The following DSCAML1 variants were observed in gnomAD, a reference collection of about 807,000 sequenced individuals.
DSCAML1 encodes the protein cell adhesion molecule DSCAML1.
A neutral mutation model predicts 200.5 loss-of-function variants in DSCAML1; 38 were observed. The ratio of observed to expected loss-of-function variants is 0.19; its 90% CI spans 0.15 to 0.25. The LOEUF (loss-of-function observed/expected upper bound fraction) is 0.25, where lower values mean the gene tolerates loss of function less well. Ranked by LOEUF, DSCAML1 falls within the 10% of genes least tolerant of loss-of-function variation. DSCAML1 has a pLI of 1.00. For missense variants in DSCAML1, 2,223 were observed against 2,858.8 expected (o/e 0.78, Z 5.07); for synonymous variants, 1,215 against 1,165.0 (o/e 1.04, Z -0.87).
chr11:117,693,624 T>A (rs1261832294), intron 3 of DSCAML1, among the ~76,000 whole-genome samples: 1 of 152,194 alleles, frequency 6.6e-6, no homozygotes, highest in Admixed American at 6.5e-5. Context: ...GCTCCAGAGC[T>A]GGGAGAAATA....
intron 3 of DSCAML1, among the ~76,000 whole-genome samples, chr11:117,545,604 A>C (rs548158276): frequency 3.0e-4 from 46 of 152,278 alleles, no homozygotes; most frequent in African/African-American, 1.1e-3. Context: ...TCTGAAGGTC[A>C]CCAGGCTTCA....
intron 27 of DSCAML1, among the ~76,000 whole-genome samples, chr11:117,434,150 A>T (rs1322255231): frequency 6.6e-6 from 1 of 152,126 alleles, no homozygotes; most frequent in African/African-American, 2.4e-5. Flanking sequence ...CTAACCATCC[A>T]ATTGTCTGGC....
chr11:117,610,483 G>T (rs760093229), intron 3 of DSCAML1, among the ~76,000 whole-genome samples: 9 of 152,034 alleles, frequency 5.9e-5, no homozygotes, highest in Non-Finnish European at 1.0e-4. Flanking sequence ...AATCTAGTTA[G>T]TCTCCAGGAG....
At chr11:117,806,064 G>A (rs1353086425) in intron 1 of DSCAML1, among the ~76,000 whole-genome samples, 1 of 152,196 alleles carries the variant, frequency 6.6e-6, no homozygotes, top group Non-Finnish European at 1.5e-5. Flanking sequence ...TCAGACTCTT[G>A]CCCACCTTGT....
intron 3 of DSCAML1, among the ~76,000 whole-genome samples, chr11:117,716,277 T>A (rs2053951337): frequency 6.6e-6 from 1 of 152,248 alleles, no homozygotes; most frequent in Non-Finnish European, 1.5e-5. Context: ...CCAGCCGTGT[T>A]GTTAACCAGC....
intron 1 of DSCAML1, among the ~76,000 whole-genome samples, chr11:117,808,737 AC>A (rs2055730220): frequency 6.6e-6 from 1 of 151,830 alleles, no homozygotes; most frequent in African/African-American, 2.4e-5. Context: ...TTGATAGTCA[AC>A]AAAAATTTGC....
Position 117,516,891 on chromosome 11 carries a change from T to A in DSCAML1, c.1511-152A>T. The stretch of plus-strand genomic sequence containing the variant: ...CATTTGGTGGGGGCACAGGGATGCC[T>A]TTTTACAAAGCTACAGACAGGGGCT... On this transcript the variant is annotated intron_variant, in intron 7 of 32. Transcript: ENST00000651296. The surrounding 1 kb of genome is among the most constrained non-coding windows in gnomAD (Gnocchi z 5.7). The A allele has an allele frequency of 1.1e-6, 1 of 949,472 alleles. No homozygotes were observed. The allele number at this position is 949,472 out of a possible 1,614,324, so 58.8% of individuals were successfully genotyped here.
At chr11:117,677,250 G>A (rs1253721225) in intron 3 of DSCAML1, among the ~76,000 whole-genome samples, 1 of 152,218 alleles carries the variant, frequency 6.6e-6, no homozygotes, top group Non-Finnish European at 1.5e-5. Context: ...AGAGGTGCTA[G>A]ACTTCTAAGA....
At chr11:117,644,423 A>G (rs1460890063) in intron 3 of DSCAML1, among the ~76,000 whole-genome samples, 8 of 152,212 alleles carry the variant, frequency 5.3e-5, no homozygotes, top group African/African-American at 1.9e-4. Flanking sequence ...CCAGGCCCCA[A>G]AAGATGCTAG....
intron 5 of DSCAML1, among the ~76,000 whole-genome samples, chr11:117,522,026 G>A (rs537681887): frequency 5.3e-5 from 8 of 152,214 alleles, no homozygotes; most frequent in African/African-American, 1.9e-4. Context: ...GGCCCTCAAG[G>A]CCCTAAGGGC....
At position 117,785,094 on chromosome 11, in the gene DSCAML1, C is replaced by A. The variant is rs1395310404; in HGVS notation, c.47-4284G>T. Among the ~76,000 whole-genome samples the A allele has an allele frequency of 3.9e-5, 6 of 152,284 alleles. No individual in the cohort carries two copies. The East Asian group carries it at 9.7e-4, about 25-fold the overall frequency. On this transcript the variant is annotated intron_variant, in intron 1 of 32. Transcript: ENST00000651296. ...GGACCAGAGAAGACATTCATTGCCT[C>A]AGGAGATATTTACCAAGCACCAGCC...
Position 117,443,978 on chromosome 11 carries a change from C to A in DSCAML1, c.3770G>T (p.Arg1257Leu). 2 of 1,613,904 alleles carry A rather than the reference C, an allele frequency of 1.2e-6. No individual in the cohort carries two copies. Among genetic ancestry groups the A allele is most frequent in the Non-Finnish European group, 1.7e-6 (2 of 1,179,970 alleles). Reference protein sequence around the residue: ...QLFYRIAHLNRGQQYLLWVAA... With the variant: ...QLFYRIAHLNLGQQYLLWVAA... ...CACCCACAGCAGATACTGCTGACCG[C>A]GGTTTAGGTGGGCGATCCGGTAGAA... Residue 1257 changes from arginine (R) to leucine (L), a missense_variant, in exon 21 of 33, where the codon CGC (arginine) becomes CTC (leucine). Physicochemically the swap from Arg to Leu is moderately radical, Grantham distance 102. This residue lies in a region of DSCAML1 where 614 missense variants were observed against 739.1 expected (regional missense o/e 0.83). Transcript: ENST00000651296.
chr11:117,486,911 CTTTTTTTTTTTTT>C lies in DSCAML1; in HGVS notation c.2360-4762_2360-4750del, dbSNP rs56805170. Reference sequence around the variant, plus strand: ...GAAAAAAAAAAAGAATGTAAAATACCTTTTTTTTTTTTTTTTTTTTTTTTTTTTTTGAGACAGA... The same window carrying C: ...GAAAAAAAAAAAGAATGTAAAATACCTTTTTTTTTTTTTTTTTGAGACAGA... On this transcript the variant is annotated intron_variant, in intron 11 of 32. Coordinates refer to ENST00000651296, the MANE Select transcript of DSCAML1 (RefSeq NM_020693.4). Among the ~76,000 whole-genome samples the C allele has an allele frequency of 1.4e-4, 11 of 79,668 alleles. No homozygotes were observed. In the East Asian group the frequency reaches 2.5e-3, roughly 18 times the overall value. 52.3% of individuals were successfully genotyped at this position (79,668 alleles called of 152,430 possible). A position where few individuals can be genotyped will look rare whatever the true frequency, so the allele number is the denominator to read the frequency against.
intron 3 of DSCAML1, among the ~76,000 whole-genome samples, chr11:117,750,885 A>T (rs1007173071): frequency 6.6e-6 from 1 of 152,166 alleles, no homozygotes; most frequent in African/African-American, 2.4e-5. Context: ...TACAAATGGC[A>T]GTAGGTTTCC....
chr11:117,551,237 G>A (rs529021962), intron 3 of DSCAML1, among the ~76,000 whole-genome samples: 1 of 152,304 alleles, frequency 6.6e-6, no homozygotes, highest in East Asian at 1.9e-4. Context: ...TATACCTCAG[G>A]GTTGAGAAAG....
In DSCAML1 at chr11:117,516,749, A is replaced by G; in HGVS notation, c.1511-10T>C. On this transcript the variant is annotated splice_polypyrimidine_tract_variant and intron_variant, in intron 7 of 32. Coordinates refer to ENST00000651296, the MANE Select transcript of DSCAML1 (RefSeq NM_020693.4). The surrounding 1 kb of genome is among the most constrained non-coding windows in gnomAD (Gnocchi z 5.7). ...CGGATGCTGGGTGGGCCTGGGCAGG[A>G]GTCAGAAGAGAGGAGGAGGAGGAGA... 2.5e-6 allele frequency: 4 copies of G among 1,607,428 alleles called. 1 individual carries two copies. Among genetic ancestry groups the G allele is most frequent in the Non-Finnish European group, 3.4e-6 (4 of 1,176,054 alleles).
chr11:117,740,140 G>A (rs1393711459), intron 3 of DSCAML1, among the ~76,000 whole-genome samples: 3 of 152,164 alleles, frequency 2.0e-5, no homozygotes, highest in African/African-American at 7.2e-5. Flanking sequence ...GCAGGGGCTG[G>A]ACAACTACCC....
chr11:117,797,247 C>T (rs2055601927), upstream of DSCAML1: 1 of 1,444,374 alleles, frequency 6.9e-7, no homozygotes, highest in African/African-American at 1.5e-5. Flanking sequence ...CTCGGCTCCC[C>T]GGCTCCTGTC....
intron 11 of DSCAML1, among the ~76,000 whole-genome samples, chr11:117,488,069 A>G (rs1013523543): frequency 6.6e-6 from 1 of 151,798 alleles, no homozygotes; most frequent in Non-Finnish European, 1.5e-5. Context: ...GTCCTTGCAG[A>G]TGGGCGCTTT....
Sources: allele counts gnomAD v4.1 joint callset (sites outside exome capture counted in the v4.1 genomes callset), GRCh38; gene constraint gnomAD v4.1.1; regional missense constraint gnomAD v4.1.1; non-coding constraint Gnocchi (gnomAD v3.1); transcripts MANE v1.5; gene names NCBI Gene and HGNC (gene_info 2026-07-23, HGNC 2026-07-21).